Variants in ASAP2 observed in about 807,000 individuals in gnomAD.
ASAP2 encodes the protein ArfGAP with SH3 domain, ankyrin repeat and PH domain 2, also known as arf-GAP with SH3 domain, ANK repeat and PH domain-containing protein 2.
In ASAP2, 45 loss-of-function variants were observed where a neutral mutation model predicts 131.4. That is an observed-to-expected ratio of 0.34 (90% confidence interval 0.27 to 0.44). The LOEUF (loss-of-function observed/expected upper bound fraction) is 0.44, where lower values mean the gene tolerates loss of function less well. ASAP2 is among the 20% of genes least tolerant of loss of function. The pLI, the probability that ASAP2 is intolerant of heterozygous loss-of-function variation, is 1.00. For missense variants in ASAP2, 1,011 were observed against 1,297.0 expected (o/e 0.78, Z 3.39); for synonymous variants, 510 against 503.0 (o/e 1.01, Z -0.19).
At chr2:9,216,818 T>G (rs1182420448) in intron 1 of ASAP2, among the ~76,000 whole-genome samples, 6 of 152,036 alleles carry the variant, frequency 3.9e-5, no homozygotes, top group Non-Finnish European at 1.5e-5. Flanking sequence ...TGGCTGGTCT[T>G]GAACTCCTGG....
intron 24 of ASAP2, among the ~76,000 whole-genome samples, chr2:9,398,502 C>G (rs1676368366): frequency 6.6e-6 from 1 of 150,604 alleles, no homozygotes; most frequent in Non-Finnish European, 1.5e-5. Context: ...AGGGCAGGAC[C>G]CTGACTCAAA....
chr2:9,367,055 G>A (rs1198993132), intron 15 of ASAP2, among the ~76,000 whole-genome samples: 6 of 129,190 alleles, frequency 4.6e-5, no homozygotes, highest in Admixed American at 2.9e-4. Flanking sequence ...TGTAGAGATG[G>A]AGTCTCACTC....
intron 3 of ASAP2, among the ~76,000 whole-genome samples, chr2:9,312,238 T>C (rs192208904): frequency 8.8e-4 from 134 of 152,334 alleles, no homozygotes; most frequent in Non-Finnish European, 1.7e-3. Context: ...TCTATTATAA[T>C]AATTTATTTT....
At chr2:9,334,101 C>T (rs770798027) in intron 7 of ASAP2, among the ~76,000 whole-genome samples, 3 of 129,312 alleles carry the variant, frequency 2.3e-5, no homozygotes, top group African/African-American at 5.9e-5. Flanking sequence ...GGCCAGAATG[C>T]AGTGGCATGA....
chr2:9,239,907 A>G (rs541959903), intron 1 of ASAP2, among the ~76,000 whole-genome samples: 4 of 151,662 alleles, frequency 2.6e-5, no homozygotes. Context: ...TTTTGTAGAG[A>G]TGAGTTTTTG....
chr2:9,309,713 G>C (rs1669170819), intron 3 of ASAP2, among the ~76,000 whole-genome samples: 1 of 152,190 alleles, frequency 6.6e-6, no homozygotes, highest in Admixed American at 6.5e-5. Flanking sequence ...CAATAGAACT[G>C]TTTGCGTTGA....
intron 21 of ASAP2, among the ~76,000 whole-genome samples, chr2:9,387,032 G>C (rs1241876442): frequency 6.8e-6 from 1 of 147,102 alleles, no homozygotes; most frequent in Non-Finnish European, 1.5e-5. Flanking sequence ...GTGAAACCCC[G>C]TCTCTACTAA....
chr2:9,396,150 C>A (rs764400825), intron 24 of ASAP2, among the ~76,000 whole-genome samples: 1 of 152,070 alleles, frequency 6.6e-6, no homozygotes, highest in Non-Finnish European at 1.5e-5. Context: ...TTGGCTAATT[C>A]TTCTGCATAC....
At chr2:9,270,947 T>C (rs10929571) in intron 1 of ASAP2, among the ~76,000 whole-genome samples, 52,987 of 150,458 alleles carry the variant, frequency 0.35, 9,590 homozygotes, top group African/African-American at 0.42. Flanking sequence ...TGCCCGCCAC[T>C]ACGCCCGGCT....
intron 7 of ASAP2, 54 bp downstream of exon 7, chr2:9,327,965 C>T: frequency 7.5e-7 from 1 of 1,338,538 alleles, no homozygotes; most frequent in Non-Finnish European, 1.0e-6. Flanking sequence ...GTGGCAACTT[C>T]TGGTAGATCT....
chr2:9,210,531 A>G (rs1661454451), intron 1 of ASAP2, among the ~76,000 whole-genome samples: 1 of 152,062 alleles, frequency 6.6e-6, no homozygotes, highest in Non-Finnish European at 1.5e-5. Flanking sequence ...TGAGTGAATG[A>G]AACACTACCG....
In ASAP2 at chr2:9,311,399, A is replaced by G. The variant is rs911783651; in HGVS notation, c.346-7125A>G. On this transcript the variant is annotated intron_variant, in intron 3 of 27. Transcript: ENST00000281419. This position sits in a 1 kb window ranked among gnomAD's most constrained non-coding sequence, Gnocchi z 5.2. ...AAAAAGTTTGCCTGCTTGTTGGTCC[A>G]ACGTTAATAGCAGTGATTAAGATTA... Among the ~76,000 whole-genome samples the G allele has an allele frequency of 1.3e-5, 2 of 152,128 alleles. No individual in the cohort carries two copies. The highest frequency in any genetic ancestry group is 4.8e-5 in the African/African-American group (2 of 41,442).
intron 1 of ASAP2, among the ~76,000 whole-genome samples, chr2:9,250,860 C>T (rs1166870695): frequency 6.6e-6 from 1 of 152,184 alleles, no homozygotes; most frequent in Non-Finnish European, 1.5e-5. Context: ...AGTGCTGAGC[C>T]CACCATGGTG....
chr2:9,267,606 G>T (rs985157305), intron 1 of ASAP2, among the ~76,000 whole-genome samples: 2 of 152,024 alleles, frequency 1.3e-5, no homozygotes, highest in African/African-American at 4.8e-5. Context: ...TTTAAAGAAT[G>T]ATTATGAAGG....
At chr2:9,287,509 G>T (rs931374894) in intron 2 of ASAP2, among the ~76,000 whole-genome samples, 5 of 152,220 alleles carry the variant, frequency 3.3e-5, no homozygotes, top group Admixed American at 2.0e-4. Context: ...GCAGGAGAGG[G>T]CGTACATGAA....
Position 9,376,920 on chromosome 2 carries a change from A to T in ASAP2, c.1759A>T (p.Thr587Ser). The T allele has an allele frequency of 6.2e-7, 1 of 1,614,144 alleles. No homozygotes were observed. The highest frequency in any genetic ancestry group is 8.5e-7 in the Non-Finnish European group (1 of 1,180,016). ...TTTGGTTTTTCAGGAGCCGGATGAAACGGCCCTCCACCTTGCAGTCAGATC... is the reference window on the plus strand; with the variant it reads ...TTTGGTTTTTCAGGAGCCGGATGAATCGGCCCTCCACCTTGCAGTCAGATC... ...PLANGHEPDE[T>S]ALHLAVRSVD... is the part of the protein sequence containing the mutation. The change falls in exon 18 of 28, where the codon ACG becomes TCG. Residue 587 changes from threonine (T) to serine (S), a missense_variant. Around this residue, in one of 2 missense-constraint regions of ASAP2, gnomAD observed 652 missense variants for 698.9 expected, o/e 0.93. Coordinates refer to ENST00000281419, the MANE Select transcript of ASAP2 (RefSeq NM_003887.3).
chr2:9,347,411 TGA>T (rs1414033277), intron 11 of ASAP2, among the ~76,000 whole-genome samples: 2 of 152,214 alleles, frequency 1.3e-5, no homozygotes, highest in Non-Finnish European at 2.9e-5. Flanking sequence ...CAGCAGCTCC[TGA>T]GTGTGCTCGT....
chr2:9,231,167 T>A lies in ASAP2; in HGVS notation c.126+23937T>A, dbSNP rs1388108443. On this transcript the variant is annotated intron_variant, in intron 1 of 27. Transcript: ENST00000281419. ...GGATGGGGGAAAGGCAGTGGCTGGG[T>A]GTTTCTCTCTGCTGGAAGGGTTTGC... Among the ~76,000 whole-genome samples, 4 of 152,100 alleles carry A rather than the reference T, an allele frequency of 2.6e-5. No homozygotes were observed. The East Asian group carries it at 7.7e-4, about 29-fold the overall frequency.
At chr2:9,274,143 G>A (rs1666591030) in intron 1 of ASAP2, among the ~76,000 whole-genome samples, 1 of 152,078 alleles carries the variant, frequency 6.6e-6, no homozygotes. Flanking sequence ...TAGTTTTTAT[G>A]ATGGCATCTT....
Sources: gnomAD v4.1 joint callset for allele counts (sites outside exome capture counted in the v4.1 genomes callset) on GRCh38, gnomAD v4.1.1 for gene constraint, gnomAD v4.1.1 regional missense constraint, Gnocchi (gnomAD v3.1) non-coding constraint, MANE v1.5 for transcripts, NCBI Gene and HGNC (gene_info 2026-07-23, HGNC 2026-07-21) for gene names.